GNAI1: variants seen among roughly 807,000 people sequenced by gnomAD.
GNAI1 encodes guanine nucleotide-binding protein G(i) subunit alpha-1.
In GNAI1, 11 loss-of-function variants were observed where a neutral mutation model predicts 38.9. The ratio of observed to expected loss-of-function variants is 0.28; its 90% CI spans 0.18 to 0.47. The LOEUF (loss-of-function observed/expected upper bound fraction) is 0.47. Among genes scored for constraint, GNAI1 ranks in the 20% least tolerant of loss-of-function variants. The pLI, the probability that GNAI1 is intolerant of heterozygous loss-of-function variation, is 0.99. For missense variants in GNAI1, 317 were observed against 436.9 expected, an observed-to-expected ratio of 0.73 and a Z score of 2.45; for synonymous variants, 166 against 145.1, an observed-to-expected ratio of 1.14 and a Z score of -1.04.
In GNAI1 at chr7:80,223,818, G is replaced by A. The variant is rs189811330; in HGVS notation, c.*6325G>A. 6.6e-6 allele frequency among the ~76,000 whole-genome samples: 1 copy of A among 152,138 alleles called. No homozygotes were observed. On this transcript the variant is annotated 3_prime_UTR_variant, in exon 8 of 8. Transcript: ENST00000649796. The stretch of plus-strand genomic sequence containing the variant: ...AACTTTTTTGCAGACTTGAGCATAC[G>A]TTTAAACCATTTAACCATTCTTGAA...
chr7:80,142,574 A>G (rs1290566884), intron 1 of GNAI1, among the ~76,000 whole-genome samples: 1 of 152,246 alleles, frequency 6.6e-6, no homozygotes, highest in Non-Finnish European at 1.5e-5. Flanking sequence ...TGTCAGACTT[A>G]TCATCTGATG....
intron 1 of GNAI1, among the ~76,000 whole-genome samples, chr7:80,185,996 C>A (rs1015372844): frequency 8.0e-5 from 12 of 149,686 alleles, no homozygotes; most frequent in Non-Finnish European, 1.8e-4. Context: ...AAGTACAAAT[C>A]CAGTTAATAA....
At position 80,225,972 on chromosome 7, in the gene GNAI1, A is replaced by G. The variant is rs115338697; in HGVS notation, c.*8479A>G. ...AAGTTTACTATATTGGAATATGGGA[A>G]TAAATTCATTTATAATTAGTTGAAA... is the stretch of plus-strand genomic sequence containing the variant. On this transcript the variant is annotated 3_prime_UTR_variant, in exon 8 of 8. Transcript: ENST00000649796. Among the ~76,000 whole-genome samples, 682 of 152,308 alleles carry G rather than the reference A, an allele frequency of 4.5e-3. 4 individuals carry two copies. The highest frequency in any genetic ancestry group is 0.015 in the African/African-American group (639 of 41,572).
At chr7:80,197,289 G>A (rs1788595459) in intron 3 of GNAI1, among the ~76,000 whole-genome samples, 1 of 150,474 alleles carries the variant, frequency 6.6e-6, no homozygotes, top group Admixed American at 6.6e-5. Flanking sequence ...TTATGAAAAA[G>A]AAACATTTTT....
chr7:80,210,141 T>A (rs1339429569), intron 5 of GNAI1, among the ~76,000 whole-genome samples: 2 of 152,220 alleles, frequency 1.3e-5, no homozygotes, highest in Non-Finnish European at 2.9e-5. Context: ...TATAAGTGGT[T>A]ATTTCTAGGT....
chr7:80,203,693 AT>A lies in GNAI1; in HGVS notation c.462-4del, dbSNP rs751418247. The A allele has an allele frequency of 2.6e-6, 4 of 1,553,044 alleles. No individual in the cohort carries two copies. The highest frequency in any genetic ancestry group is 2.7e-5 in the African/African-American group (2 of 72,910). On this transcript the variant is annotated splice_polypyrimidine_tract_variant and intron_variant, in intron 4 of 7. Coordinates refer to ENST00000649796, the MANE Select transcript of GNAI1 (RefSeq NM_002069.6). ...TACCATTAACATGTTGTTTTGTTTA[AT>A]TTTTTTCAGCTATTTGAATGACTTG...
intron 4 of GNAI1, 83 bp downstream of exon 4, chr7:80,199,465 G>A: frequency 2.9e-6 from 3 of 1,021,300 alleles, no homozygotes; most frequent in Non-Finnish European, 4.3e-6. Flanking sequence ...TTTTACTGCA[G>A]AATTGGCTGA....
chr7:80,203,645 GGAT>G, intron 4 of GNAI1, 56 bp from the exon 5 acceptor site: 2 of 1,076,006 alleles, frequency 1.9e-6, no homozygotes, highest in Middle Eastern at 2.1e-4. Flanking sequence ...TTTTTGTTTT[GGAT>G]GATCTTTATT....
In GNAI1 at chr7:80,225,382, C is replaced by G. The variant is rs1226446058; in HGVS notation, c.*7889C>G. 2.0e-5 allele frequency among the ~76,000 whole-genome samples: 3 copies of G among 151,902 alleles called. No individual in the cohort carries two copies. The highest frequency in any genetic ancestry group is 7.3e-5 in the African/African-American group (3 of 41,336). ...TCAAGATACTGGAAAATTATTAAAT[C>G]CAGTTTACAGACTCATCTCTTTAGT... On this transcript the variant is annotated 3_prime_UTR_variant, in exon 8 of 8. Transcript: ENST00000649796.
chr7:80,138,295 C>T (rs1787461832), intron 1 of GNAI1, among the ~76,000 whole-genome samples: 1 of 152,080 alleles, frequency 6.6e-6, no homozygotes, highest in African/African-American at 2.4e-5. Context: ...GATTTTGGCA[C>T]TGTCTATATG....
At chr7:80,159,201 A>G (rs528432420) in intron 1 of GNAI1, among the ~76,000 whole-genome samples, 16 of 152,208 alleles carry the variant, frequency 1.1e-4, no homozygotes, top group South Asian at 2.1e-4. Context: ...TTGTGAAACA[A>G]TTTTTTGGGG....
At chr7:80,199,190 C>T (rs1788635969) in intron 3 of GNAI1, 35 bp from the exon 4 acceptor site, 2 of 1,498,196 alleles carry the variant, frequency 1.3e-6, no homozygotes, top group Admixed American at 1.8e-5. Flanking sequence ...CTGACGTATC[C>T]CTTTTTACTT....
intron 1 of GNAI1, among the ~76,000 whole-genome samples, chr7:80,143,341 TG>T (rs770020970): frequency 1.5e-4 from 23 of 151,990 alleles, no homozygotes; most frequent in Non-Finnish European, 2.8e-4. Flanking sequence ...TTGTTGATCT[TG>T]GGGGGTGGAG....
At chr7:80,153,507 A>G (rs1307101116) in intron 1 of GNAI1, among the ~76,000 whole-genome samples, 9 of 152,222 alleles carry the variant, frequency 5.9e-5, no homozygotes, top group African/African-American at 1.7e-4. Flanking sequence ...GGAGGAAAAC[A>G]GTGAGGTGGT....
chr7:80,217,247 T>C (rs200190332), intron 7 of GNAI1, 56 bp from the exon 8 acceptor site: 5 of 419,528 alleles, frequency 1.2e-5, no homozygotes, highest in Non-Finnish European at 1.7e-5. Flanking sequence ...AATTCAGTAT[T>C]TTAAGCAGTT....
chr7:80,188,941 A>G lies in GNAI1; in HGVS notation c.119-10A>G, dbSNP rs368775195. The G allele has an allele frequency of 1.1e-5, 17 of 1,587,820 alleles. No homozygotes were observed. The African/African-American group carries it at 1.7e-4, about 16-fold the overall frequency. The stretch of plus-strand genomic sequence containing the variant: ...TGAAATTAGAAACCTTTTATGTTTT[A>G]TATTTTTAGGTGCTGGTGAATCTGG... On this transcript the variant is annotated splice_polypyrimidine_tract_variant and intron_variant, in intron 1 of 7. Transcript: ENST00000649796.
intron 3 of GNAI1, among the ~76,000 whole-genome samples, chr7:80,190,391 A>G (rs1788461388): frequency 6.6e-6 from 1 of 152,106 alleles, no homozygotes; most frequent in South Asian, 2.1e-4. Flanking sequence ...TAATTTATAC[A>G]TTTATCATTT....
At chr7:80,143,043 C>T (rs1267364272) in intron 1 of GNAI1, among the ~76,000 whole-genome samples, 1 of 152,118 alleles carries the variant, frequency 6.6e-6, no homozygotes, top group African/African-American at 2.4e-5. Flanking sequence ...TCTGGTAAAC[C>T]TCAGCTTTCA....
At chr7:80,173,770 T>A (rs1158219367) in intron 1 of GNAI1, among the ~76,000 whole-genome samples, 1 of 152,192 alleles carries the variant, frequency 6.6e-6, no homozygotes, top group Non-Finnish European at 1.5e-5. Flanking sequence ...GCTTGGAGCT[T>A]ACCTGCTTGA....
Sources: allele counts gnomAD v4.1 joint callset (sites outside exome capture counted in the v4.1 genomes callset), GRCh38; gene constraint gnomAD v4.1.1; transcripts MANE v1.5; gene names NCBI Gene and HGNC (gene_info 2026-07-23, HGNC 2026-07-21).